The following RIGI variants were observed in gnomAD, a reference collection of about 807,000 sequenced individuals.
The protein encoded by RIGI is RNA sensor RIG-I.
At chr9:32,505,037 GATATATA>G in the RIGI span, among the ~76,000 whole-genome samples, 2 of 135,814 alleles carry the variant, frequency 1.5e-5, no homozygotes, top group East Asian at 2.0e-4. Context: ...ATATACAATA[GATATATA>G]ATATATAATT....
At chr9:32,502,511 A>G in the RIGI span, among the ~76,000 whole-genome samples, 1 of 152,228 alleles carries the variant, frequency 6.6e-6, no homozygotes, top group African/African-American at 2.4e-5. Flanking sequence ...CATCCTTGAC[A>G]GTACTTCTTA....
the RIGI span, chr9:32,488,922 CT>C: frequency 6.5e-7 from 1 of 1,549,740 alleles, no homozygotes; most frequent in Non-Finnish European, 8.7e-7. Context: ...AAACATGTAA[CT>C]CATATATTAG....
At chr9:32,464,392 TTTTG>T in the RIGI span, among the ~76,000 whole-genome samples, 1 of 152,212 alleles carries the variant, frequency 6.6e-6, no homozygotes. Flanking sequence ...CTAAGCCTTT[TTTTG>T]TTTGTTTTTT....
At chr9:32,468,622 C>G in the RIGI span, among the ~76,000 whole-genome samples, 1 of 151,474 alleles carries the variant, frequency 6.6e-6, no homozygotes, top group Non-Finnish European at 1.5e-5. Flanking sequence ...GCCATGATGG[C>G]ACTACTACAC....
chr9:32,480,368 A>C, the RIGI span: 33 of 1,575,102 alleles, frequency 2.1e-5, no homozygotes, highest in Admixed American at 1.9e-4. Flanking sequence ...TTGAAAGTAA[A>C]AACTGTCTCA....
the RIGI span, among the ~76,000 whole-genome samples, chr9:32,494,409 A>G: frequency 2.0e-5 from 3 of 152,206 alleles, no homozygotes; most frequent in Admixed American, 6.5e-5. Flanking sequence ...TGGGAAATTT[A>G]CTTAATATTA....
the RIGI span, among the ~76,000 whole-genome samples, chr9:32,504,038 A>AAAACACACACACAC: frequency 1.5e-5 from 2 of 135,666 alleles, no homozygotes; most frequent in Non-Finnish European, 3.2e-5. Flanking sequence ...CAAGACTCCA[A>AAAACACACACACAC]ACACACACAC....
the RIGI span, chr9:32,500,881 TGTGGCA>T: frequency 6.2e-7 from 1 of 1,614,092 alleles, no homozygotes; most frequent in East Asian, 2.2e-5. Flanking sequence ...TGAGAAAAAG[TGTGGCA>T]GCCTCCATTG....
chr9:32,461,714 G>C, the RIGI span, among the ~76,000 whole-genome samples: 1 of 151,986 alleles, frequency 6.6e-6, no homozygotes, highest in African/African-American at 2.4e-5. Context: ...TTAATGGGGT[G>C]GCTTGTAGTT....
chr9:32,479,247 T>G, the RIGI span, among the ~76,000 whole-genome samples: 24 of 152,242 alleles, frequency 1.6e-4, no homozygotes, highest in Non-Finnish European at 3.1e-4. Flanking sequence ...TATTTATAAA[T>G]TGTGGTTTGT....
chr9:32,457,172 C>A, the RIGI span: 68 of 1,613,962 alleles, frequency 4.2e-5, no homozygotes, highest in African/African-American at 3.6e-4. Flanking sequence ...AAATGAAAGT[C>A]CTTCCACTTC....
At chr9:32,490,078 C>T in the RIGI span, among the ~76,000 whole-genome samples, 5,127 of 152,176 alleles carry the variant, frequency 0.034, 297 homozygotes, top group African/African-American at 0.11. Flanking sequence ...TAAACTCACA[C>T]GAAAGACATG....
the RIGI span, among the ~76,000 whole-genome samples, chr9:32,517,516 T>C: frequency 6.6e-6 from 1 of 152,216 alleles, no homozygotes; most frequent in African/African-American, 2.4e-5. Context: ...AAATCTTTAA[T>C]AAACAAGCTG....
At chr9:32,481,409 G>C in the RIGI span, 2 of 1,613,364 alleles carry the variant, frequency 1.2e-6, no homozygotes, top group African/African-American at 1.3e-5. Flanking sequence ...CTGGCATCTG[G>C]AACACCATGC....
At chr9:32,481,175 G>A in the RIGI span, among the ~76,000 whole-genome samples, 1 of 152,166 alleles carries the variant, frequency 6.6e-6, no homozygotes, top group Non-Finnish European at 1.5e-5. Flanking sequence ...TCGAGATGAT[G>A]TTGAATGGGA....
At chr9:32,489,704 G>A in the RIGI span, among the ~76,000 whole-genome samples, 1 of 151,498 alleles carries the variant, frequency 6.6e-6, no homozygotes, top group Non-Finnish European at 1.5e-5. Flanking sequence ...AATCATGGAA[G>A]GCTAACAGAA....
At chr9:32,479,149 G>A in the RIGI span, among the ~76,000 whole-genome samples, 1 of 152,174 alleles carries the variant, frequency 6.6e-6, no homozygotes, top group African/African-American at 2.4e-5. Context: ...GGTTGGCCAT[G>A]GATACAAAAA....
chr9:32,484,316 A>T, the RIGI span, among the ~76,000 whole-genome samples: 3 of 152,202 alleles, frequency 2.0e-5, no homozygotes, highest in Non-Finnish European at 4.4e-5. Context: ...GAACAATTAT[A>T]ATAGAAATTA....
At chr9:32,476,455 T>C in the RIGI span, among the ~76,000 whole-genome samples, 18 of 152,030 alleles carry the variant, frequency 1.2e-4, no homozygotes, top group African/African-American at 4.3e-4. Context: ...CAGAGAGCCA[T>C]GACTGCACCA....
Sources: allele counts gnomAD v4.1 joint callset (sites outside exome capture counted in the v4.1 genomes callset), GRCh38; gene constraint gnomAD v4.1.1; transcripts MANE v1.5; gene names NCBI Gene and HGNC (gene_info 2026-07-23, HGNC 2026-07-21).